Variants in TMEM196 observed in about 807,000 individuals in gnomAD.
TMEM196 encodes transmembrane protein 196.
In TMEM196, 17 loss-of-function variants were observed where a neutral mutation model predicts 20.0. The ratio of observed to expected loss-of-function variants is 0.85; its 90% CI spans 0.58 to 1.27. The LOEUF is 1.27. TMEM196 is among the 50% of genes most tolerant of loss of function. The pLI, the probability that TMEM196 is intolerant of heterozygous loss-of-function variation, is 0.00. For synonymous variants in TMEM196, 113 were observed against 88.9 expected (o/e 1.27, Z -1.52); for missense variants, 267 against 223.0 (o/e 1.20, Z -1.26).
chr7:19,725,884 G>C lies in TMEM196; in HGVS notation c.205-116C>G, dbSNP rs930987771. The C allele has an allele frequency of 3.9e-6, 5 of 1,281,830 alleles. No individual in the cohort carries two copies. In the African/African-American group the frequency reaches 6.0e-5, roughly 15 times the overall value. 79.4% of individuals were successfully genotyped at this position (1,281,830 alleles called of 1,614,324 possible). On this transcript the variant is annotated intron_variant, in intron 2 of 4. Transcript: ENST00000405844. The stretch of plus-strand genomic sequence containing the variant: ...TAGCCTACAATAAAGAAGAATAAGC[G>C]GTTTTGGTGCTTCACAGAGGACAGG...
At chr7:19,730,242 C>A (rs1165163035) in intron 1 of TMEM196, among the ~76,000 whole-genome samples, 1 of 139,452 alleles carries the variant, frequency 7.2e-6, no homozygotes, top group African/African-American at 2.7e-5. Context: ...GGTGACGGAG[C>A]AAGACTCCGT....
intron 1 of TMEM196, among the ~76,000 whole-genome samples, chr7:19,756,988 G>A (rs945826996): frequency 3.9e-5 from 6 of 152,060 alleles, no homozygotes; most frequent in African/African-American, 1.4e-4. Flanking sequence ...AAGTCTAGAT[G>A]AGGCACAGTT....
chr7:19,745,422 T>C (rs1784717982), intron 1 of TMEM196, among the ~76,000 whole-genome samples: 1 of 152,134 alleles, frequency 6.6e-6, no homozygotes, highest in South Asian at 2.1e-4. Context: ...AGATTTTTAC[T>C]GGGAGGGAAG....
intron 1 of TMEM196, among the ~76,000 whole-genome samples, chr7:19,752,363 T>C (rs1242502753): frequency 6.6e-6 from 1 of 152,124 alleles, no homozygotes; most frequent in Non-Finnish European, 1.5e-5. Flanking sequence ...GATTCCCCTC[T>C]CCTCCTACGT....
intron 1 of TMEM196, among the ~76,000 whole-genome samples, chr7:19,736,590 C>T (rs144723678): frequency 4.6e-5 from 7 of 151,554 alleles, no homozygotes; most frequent in Non-Finnish European, 8.9e-5. Context: ...AGTGTACAGT[C>T]AAGGTACAGA....
rs71017071 is a variant in TMEM196, at chr7:19,736,353, CTATATATATATATATATATATA to C, written c.148-6937_148-6916del. ...GATCCCACTTTTCTAGTGGTTCCTACTATATATATATATATATATATATATATATATATATATATATATATAT... is the reference window on the plus strand; with the variant it reads ...GATCCCACTTTTCTAGTGGTTCCTACTATATATATATATATATATATATAT... On this transcript the variant is annotated intron_variant, in intron 1 of 4. Transcript: ENST00000405844. Among the ~76,000 whole-genome samples the C allele has an allele frequency of 4.6e-3, 173 of 38,006 alleles. 1 individual carries two copies. The East Asian group carries it at 0.063, about 14-fold the overall frequency. 24.9% of individuals were successfully genotyped at this position (38,006 alleles called of 152,430 possible).
intron 1 of TMEM196, among the ~76,000 whole-genome samples, chr7:19,760,912 G>A (rs1418300474): frequency 6.6e-6 from 1 of 152,190 alleles, no homozygotes; most frequent in African/African-American, 2.4e-5. Context: ...ACAGAAGCTT[G>A]TGCTCCTGGA....
At position 19,721,907 on chromosome 7, in the gene TMEM196, A is replaced by T. The variant is rs904228106; in HGVS notation, c.*221T>A. The T allele has an allele frequency of 5.0e-6, 3 of 600,316 alleles. No homozygotes were observed. Among genetic ancestry groups the T allele is most frequent in the African/African-American group, 2.0e-5 (1 of 50,480 alleles). The allele number at this position is 600,316 out of a possible 1,614,324, so 37.2% of individuals were successfully genotyped here. A position where few individuals can be genotyped will look rare whatever the true frequency, so the allele number is the denominator to read the frequency against. On this transcript the variant is annotated 3_prime_UTR_variant, in exon 5 of 5. Coordinates refer to ENST00000405844, the MANE Select transcript of TMEM196 (RefSeq NM_001363562.2). ...TTTCTGGAAAGTTTTTTACCCCATA[A>T]AAAAGGGTGGAGAAACCAGTGAGGC...
At chr7:19,733,092 G>A (rs1784272083) in intron 1 of TMEM196, among the ~76,000 whole-genome samples, 1 of 152,320 alleles carries the variant, frequency 6.6e-6, no homozygotes, top group South Asian at 2.1e-4. Flanking sequence ...GCAATCTAAT[G>A]ATAAGGCATC....
chr7:19,721,755 A>G lies in TMEM196; in HGVS notation c.*373T>C, dbSNP rs117587119. The G allele has an allele frequency of 0.029, 5,746 of 201,096 alleles. 128 individuals carry two copies. Among genetic ancestry groups the G allele is most frequent in the South Asian group, 0.073 (605 of 8,272 alleles). The allele number at this position is 201,096 out of a possible 1,614,324, so 12.5% of individuals were successfully genotyped here. On this transcript the variant is annotated 3_prime_UTR_variant, in exon 5 of 5. Transcript: ENST00000405844. ...TATGAAATATGTCATTACAAATATAATAATCATGCTAGTCAAATAGTGTTT... is the reference window on the plus strand; with the variant it reads ...TATGAAATATGTCATTACAAATATAGTAATCATGCTAGTCAAATAGTGTTT...
intron 1 of TMEM196, among the ~76,000 whole-genome samples, chr7:19,761,372 T>C (rs1057083632): frequency 1.3e-5 from 2 of 152,242 alleles, no homozygotes; most frequent in African/African-American, 2.4e-5. Flanking sequence ...TATAGTTCCA[T>C]ACACCGTGTT....
At chr7:19,744,656 GA>G (rs1297105904) in intron 1 of TMEM196, among the ~76,000 whole-genome samples, 1 of 152,132 alleles carries the variant, frequency 6.6e-6, no homozygotes, top group African/African-American at 2.4e-5. Flanking sequence ...ATCTAACGAT[GA>G]AATTTACCCT....
Position 19,725,668 on chromosome 7 carries a change from G to T in TMEM196, c.305C>A (p.Pro102Gln). Residue 102 changes from proline to glutamine, a missense_variant, in exon 3 of 5, where the codon CCA becomes CAA. By Grantham distance (76) the Pro-to-Gln change is moderately conservative. Coordinates refer to ENST00000405844, the MANE Select transcript of TMEM196 (RefSeq NM_001363562.2). ...AVTKKTSSLY[P>Q]LHLASMSLAC... The stretch of plus-strand genomic sequence containing the variant: ...GAGAGACATGGAGGCAAGGTGCAGT[G>T]GGTATAGGGAGGAAGTTTTCTTTGT... 1 of 1,614,104 alleles carries T rather than the reference G, an allele frequency of 6.2e-7. No individual in the cohort carries two copies. Among genetic ancestry groups the T allele is most frequent in the Non-Finnish European group, 8.5e-7 (1 of 1,179,968 alleles).
At chr7:19,770,845 G>A (rs980320247) in intron 1 of TMEM196, among the ~76,000 whole-genome samples, 2 of 151,898 alleles carry the variant, frequency 1.3e-5, no homozygotes, top group African/African-American at 4.8e-5. Flanking sequence ...TTTCTTACAT[G>A]ATACTAAGCT....
intron 1 of TMEM196, among the ~76,000 whole-genome samples, chr7:19,756,999 C>A (rs1041584942): frequency 1.3e-5 from 2 of 152,050 alleles, no homozygotes; most frequent in Admixed American, 6.6e-5. Flanking sequence ...AGGCACAGTT[C>A]CAGTAATGGC....
At chr7:19,749,898 A>G (rs1784897757) in intron 1 of TMEM196, among the ~76,000 whole-genome samples, 1 of 152,184 alleles carries the variant, frequency 6.6e-6, no homozygotes, top group Admixed American at 6.5e-5. Flanking sequence ...TGGCATAACT[A>G]TACTACTCTC....
intron 1 of TMEM196, among the ~76,000 whole-genome samples, chr7:19,766,848 AAGTT>A (rs1785652202): frequency 6.6e-6 from 1 of 152,158 alleles, no homozygotes; most frequent in South Asian, 2.1e-4. Flanking sequence ...ATATACAAAA[AAGTT>A]AGATAGTTTG....
At chr7:19,763,593 T>G (rs1173158707) in intron 1 of TMEM196, among the ~76,000 whole-genome samples, 1 of 152,172 alleles carries the variant, frequency 6.6e-6, no homozygotes, top group Non-Finnish European at 1.5e-5. Flanking sequence ...AGAGAGGGTA[T>G]ATGACCTAAA....
At chr7:19,759,322 T>C (rs1785338350) in intron 1 of TMEM196, among the ~76,000 whole-genome samples, 1 of 152,234 alleles carries the variant, frequency 6.6e-6, no homozygotes, top group Non-Finnish European at 1.5e-5. Context: ...ACCACTCTTT[T>C]GGTCCTCAGC....
Sources: allele counts gnomAD v4.1 joint callset (sites outside exome capture counted in the v4.1 genomes callset), GRCh38; gene constraint gnomAD v4.1.1; transcripts MANE v1.5; gene names NCBI Gene and HGNC (gene_info 2026-07-23, HGNC 2026-07-21).